CORIN: variants seen among roughly 807,000 people sequenced by gnomAD.
CORIN encodes the protein corin, serine peptidase, also known as atrial natriuretic peptide-converting enzyme.
In CORIN, 117 loss-of-function variants were observed where a neutral mutation model predicts 125.3. That is an observed-to-expected ratio of 0.93 (90% CI 0.80 to 1.09). The LOEUF is 1.09. CORIN is among the 50% of genes least tolerant of loss of function. The pLI, the probability that CORIN is intolerant of heterozygous loss-of-function variation, is 0.00. For missense variants in CORIN, 1,253 were observed against 1,306.7 expected (o/e 0.96, Z 0.63); for synonymous variants, 450 against 466.4 (o/e 0.96, Z 0.45).
At chr4:47,700,879 C>G (rs1386206847) in intron 5 of CORIN, among the ~76,000 whole-genome samples, 1 of 152,248 alleles carries the variant, frequency 6.6e-6, no homozygotes, top group Non-Finnish European at 1.5e-5. Flanking sequence ...AATCTCTGCT[C>G]AGTCCTTCCC....
intron 19 of CORIN, among the ~76,000 whole-genome samples, chr4:47,606,972 A>G (rs1398554408): frequency 6.6e-6 from 1 of 152,242 alleles, no homozygotes; most frequent in Non-Finnish European, 1.5e-5. Flanking sequence ...ATTCATCCAC[A>G]TGCTTAAATC....
chr4:47,634,423 C>T (rs1722949023), intron 16 of CORIN, among the ~76,000 whole-genome samples: 1 of 152,128 alleles, frequency 6.6e-6, no homozygotes, highest in Non-Finnish European at 1.5e-5. Context: ...CACGTGAGGT[C>T]GGGAGTTCAA....
intron 19 of CORIN, 152 bp downstream of exon 19, chr4:47,623,419 T>C (rs967160592): frequency 9.4e-6 from 7 of 747,608 alleles, no homozygotes; most frequent in Middle Eastern, 3.3e-4. Flanking sequence ...ACATCAAGGA[T>C]AGAAAACTTT....
intron 6 of CORIN, among the ~76,000 whole-genome samples, chr4:47,690,717 T>TA (rs1725730050): frequency 6.6e-6 from 1 of 152,116 alleles, no homozygotes; most frequent in South Asian, 2.1e-4. Context: ...CTCTCATGAG[T>TA]ATCTGTGGGT....
At chr4:47,806,497 C>T (rs111608580) in intron 2 of CORIN, among the ~76,000 whole-genome samples, 86 of 152,314 alleles carry the variant, frequency 5.6e-4, no homozygotes, top group African/African-American at 2.0e-3. Flanking sequence ...AACACATTAA[C>T]TCTCCATGAT....
rs754874529 is a variant in CORIN at position 47,680,156 on chromosome 4, C to T, written c.1117G>A (p.Asp373Asn). 26 of 1,612,654 alleles carry T rather than the reference C, an allele frequency of 1.6e-5. No homozygotes were observed. The highest frequency in any genetic ancestry group is 8.3e-5 in the Admixed American group (5 of 60,004). Residue 373 changes from aspartate (D) to asparagine (N), a missense_variant, in exon 8 of 22, where the codon GAC becomes AAC. By Grantham distance (23) the Asp-to-Asn change is conservative. Coordinates refer to ENST00000273857, the MANE Select transcript of CORIN (RefSeq NM_006587.4). ...GAGCACTCACAGCAGTTGACCTCGTCAGACTTATCCACACAGTCGTGGTCA... is the reference window on the plus strand; with the variant it reads ...GAGCACTCACAGCAGTTGACCTCGTTAGACTTATCCACACAGTCGTGGTCA... ...DGDHDCVDKS[D>N]EVNCSCHSQG... is the part of the protein sequence containing the mutation.
intron 19 of CORIN, among the ~76,000 whole-genome samples, 186 bp downstream of exon 19, chr4:47,623,385 G>T (rs1229854162): frequency 6.6e-6 from 1 of 152,040 alleles, no homozygotes; most frequent in Non-Finnish European, 1.5e-5. Context: ...TCCAACAAAT[G>T]AGCAGCCCAC....
At chr4:47,757,839 G>A (rs1468382909) in intron 4 of CORIN, among the ~76,000 whole-genome samples, 1 of 140,348 alleles carries the variant, frequency 7.1e-6, no homozygotes, top group Non-Finnish European at 1.5e-5. Context: ...TCAGGAGAAT[G>A]ATTGAAATGA....
chr4:47,768,459 T>C (rs1729867590), intron 3 of CORIN, among the ~76,000 whole-genome samples: 1 of 152,206 alleles, frequency 6.6e-6, no homozygotes, highest in Admixed American at 6.5e-5. Flanking sequence ...AAGTGAACAT[T>C]TGTAAACACA....
chr4:47,775,422 A>C (rs572204358), intron 3 of CORIN, among the ~76,000 whole-genome samples: 1 of 151,818 alleles, frequency 6.6e-6, no homozygotes, highest in Non-Finnish European at 1.5e-5. Flanking sequence ...CCTGTGTCCA[A>C]GTGTTCTCAT....
chr4:47,637,746 G>A (rs181906518), intron 16 of CORIN, among the ~76,000 whole-genome samples: 2 of 152,222 alleles, frequency 1.3e-5, no homozygotes, highest in African/African-American at 2.4e-5. Context: ...TGCTGCAGGG[G>A]TGGGGCCCTC....
At chr4:47,650,484 G>A (rs953668386) in intron 13 of CORIN, among the ~76,000 whole-genome samples, 4 of 152,162 alleles carry the variant, frequency 2.6e-5, no homozygotes, top group Admixed American at 2.0e-4. Flanking sequence ...CCCAAATCGT[G>A]GAGGTAAAGC....
intron 5 of CORIN, among the ~76,000 whole-genome samples, chr4:47,703,171 C>A (rs1726388368): frequency 6.6e-6 from 1 of 152,288 alleles, no homozygotes; most frequent in South Asian, 2.1e-4. Flanking sequence ...GGTCAGCACT[C>A]CGCTGGAGCC....
At chr4:47,720,213 T>C (rs1727285407) in intron 5 of CORIN, among the ~76,000 whole-genome samples, 1 of 152,216 alleles carries the variant, frequency 6.6e-6, no homozygotes, top group South Asian at 2.1e-4. Context: ...TCTTTTATTT[T>C]TATCACTACT....
intron 5 of CORIN, among the ~76,000 whole-genome samples, chr4:47,697,157 T>G (rs61761818): frequency 9.2e-5 from 14 of 152,148 alleles, no homozygotes; most frequent in Non-Finnish European, 1.9e-4. Flanking sequence ...AAAGACTGAG[T>G]GTAATCTTTC....
chr4:47,599,520 C>T (rs1043150162), intron 21 of CORIN, among the ~76,000 whole-genome samples: 2 of 152,146 alleles, frequency 1.3e-5, no homozygotes, highest in Admixed American at 1.3e-4. Context: ...CTTATTTGAG[C>T]ACTTGCACTT....
intron 19 of CORIN, among the ~76,000 whole-genome samples, chr4:47,616,526 A>T (rs1051768957): frequency 6.6e-6 from 1 of 152,248 alleles, no homozygotes; most frequent in African/African-American, 2.4e-5. Flanking sequence ...ATTTTAGAAG[A>T]AAATGAAAGT....
At chr4:47,625,346 T>G (rs1722508416) in intron 17 of CORIN, among the ~76,000 whole-genome samples, 1 of 152,080 alleles carries the variant, frequency 6.6e-6, no homozygotes, top group Non-Finnish European at 1.5e-5. Flanking sequence ...TTAGTGGAAA[T>G]TGCAGTTATA....
intron 13 of CORIN, among the ~76,000 whole-genome samples, chr4:47,650,558 T>C (rs1420073219): frequency 6.6e-6 from 1 of 152,204 alleles, no homozygotes; most frequent in Non-Finnish European, 1.5e-5. Context: ...AGCTGAAACA[T>C]ACAATCCCTT....
Sources: allele counts gnomAD v4.1 joint callset (sites outside exome capture counted in the v4.1 genomes callset), GRCh38; gene constraint gnomAD v4.1.1; transcripts MANE v1.5; gene names NCBI Gene and HGNC (gene_info 2026-07-23, HGNC 2026-07-21).